The following SLC44A3 variants were observed in gnomAD, a reference collection of about 807,000 sequenced individuals.
SLC44A3 encodes the protein solute carrier family 44 member 3.
In SLC44A3, 74 loss-of-function variants were observed where a neutral mutation model predicts 75.4. That is an observed-to-expected ratio of 0.98 (90% CI 0.81 to 1.19). SLC44A3 has a LOEUF of 1.19. SLC44A3 is among the 50% of genes most tolerant of loss of function. SLC44A3 has a pLI of 0.00. For synonymous variants in SLC44A3, 310 were observed against 296.9 expected, an observed-to-expected ratio of 1.04 and a Z score of -0.45; for missense variants, 700 against 778.6, an observed-to-expected ratio of 0.90 and a Z score of 1.20.
At chr1:94,823,908 AATG>A (rs1159488495) in intron 2 of SLC44A3, among the ~76,000 whole-genome samples, 4 of 152,188 alleles carry the variant, frequency 2.6e-5, no homozygotes, top group Non-Finnish European at 5.9e-5. Context: ...AGTGGATAAA[AATG>A]ATGATAGATT....
intron 12 of SLC44A3, among the ~76,000 whole-genome samples, chr1:94,882,142 C>G (rs145946158): frequency 3.0e-4 from 45 of 152,324 alleles, no homozygotes; most frequent in Non-Finnish European, 5.7e-4. Context: ...CTAAGTTTAT[C>G]TTCTCTAGGA....
In SLC44A3 at chr1:94,828,549, G is replaced by A. The variant is rs986662069; in HGVS notation, c.472G>A (p.Ala158Thr). The part of the protein sequence containing the change: ...NSFNYTHSPK[A>T]DSLCPRLPVP... ...CTTCAACTATACCCACAGTCCAAAAGCAGACTCACTGTGTCCCAGGCTACC... is the reference window on the plus strand; with the variant it reads ...CTTCAACTATACCCACAGTCCAAAAACAGACTCACTGTGTCCCAGGCTACC... Residue 158 changes from alanine (A) to threonine (T), a missense_variant, in exon 5 of 15, where the codon GCA (alanine) becomes ACA (threonine). Physicochemically the swap from Ala to Thr is moderately conservative, Grantham distance 58. Transcript: ENST00000271227. 6.2e-7 allele frequency: 1 copy of A among 1,613,906 alleles called. No individual in the cohort carries two copies. Among genetic ancestry groups the A allele is most frequent in the East Asian group, 2.2e-5 (1 of 44,868 alleles).
At chr1:94,856,274 A>G (rs115667019) in intron 9 of SLC44A3, among the ~76,000 whole-genome samples, 42 of 152,298 alleles carry the variant, frequency 2.8e-4, no homozygotes, top group African/African-American at 1.0e-3. Flanking sequence ...TGCTCAAAAT[A>G]CCACCAGGAA....
chr1:94,820,669 G>A (rs1660433926), intron 1 of SLC44A3, 191 bp downstream of exon 1: 1 of 1,382,612 alleles, frequency 7.2e-7, no homozygotes, highest in South Asian at 1.7e-5. Context: ...GCGGAGGCGG[G>A]GGAGACGCGG....
intron 5 of SLC44A3, among the ~76,000 whole-genome samples, chr1:94,836,444 A>G (rs144905117): frequency 1.5e-3 from 230 of 152,382 alleles, no homozygotes; most frequent in Admixed American, 2.3e-3. Context: ...CCCACTGTTC[A>G]TAGCAAGGCT....
At chr1:94,834,695 G>A (rs763140984) in intron 5 of SLC44A3, among the ~76,000 whole-genome samples, 5 of 152,182 alleles carry the variant, frequency 3.3e-5, no homozygotes, top group Admixed American at 6.5e-5. Flanking sequence ...ACGTTGGCCA[G>A]GCTGGTCTCA....
rs772845293 is a variant in SLC44A3 at position 94,894,824 on chromosome 1, G to A, written c.1864G>A (p.Val622Ile). The change falls in exon 15 of 15, where the codon GTA becomes ATA. Residue 622 changes from valine (V) to isoleucine (I), a missense_variant. Coordinates refer to ENST00000271227, the MANE Select transcript of SLC44A3 (RefSeq NM_001114106.3). ...YFMDQEFLSF[V>I]KRSNKLNNAR... ...TTGTTCTTTTGTTTTTCAGAGTTTC[G>A]TAAAAAGGAGCAACAAATTAAACAA... The A allele has an allele frequency of 2.8e-5, 45 of 1,609,236 alleles. No homozygotes were observed. Among genetic ancestry groups the A allele is most frequent in the South Asian group, 7.8e-5 (7 of 90,250 alleles).
At chr1:94,849,157 G>A (rs1362322836) in intron 9 of SLC44A3, among the ~76,000 whole-genome samples, 1 of 152,118 alleles carries the variant, frequency 6.6e-6, no homozygotes, top group African/African-American at 2.4e-5. Flanking sequence ...GCTGAAGGTA[G>A]CGTGTCATTC....
At chr1:94,858,525 A>C (rs908333830) in intron 10 of SLC44A3, among the ~76,000 whole-genome samples, 3 of 152,178 alleles carry the variant, frequency 2.0e-5, no homozygotes, top group Non-Finnish European at 2.9e-5. Context: ...GGGCTCAGAA[A>C]GAGAAGTTTA....
intron 12 of SLC44A3, among the ~76,000 whole-genome samples, chr1:94,885,308 G>A (rs1247152286): frequency 6.7e-6 from 1 of 149,682 alleles, no homozygotes; most frequent in African/African-American, 2.5e-5. Flanking sequence ...AAACAGATGA[G>A]ATCTAATGAG....
chr1:94,890,861 A>G (rs754281783), intron 12 of SLC44A3, among the ~76,000 whole-genome samples: 4 of 151,968 alleles, frequency 2.6e-5, no homozygotes, highest in Non-Finnish European at 5.9e-5. Context: ...AGCAAATAAA[A>G]CCCTTATGCT....
At position 94,820,437 on chromosome 1, in the gene SLC44A3, G is replaced by A; in HGVS notation, c.-15G>A. On this transcript the variant is annotated 5_prime_UTR_variant, in exon 1 of 15. Coordinates refer to ENST00000271227, the MANE Select transcript of SLC44A3 (RefSeq NM_001114106.3). ...CGGCGGCTCCCAGTCACCGGCCCCCGCCGGCGAGCGCACGATGCACTGCCT... is the reference window on the plus strand; with the variant it reads ...CGGCGGCTCCCAGTCACCGGCCCCCACCGGCGAGCGCACGATGCACTGCCT... 2 of 1,449,678 alleles carry A rather than the reference G, an allele frequency of 1.4e-6. No individual in the cohort carries two copies. Among genetic ancestry groups the A allele is most frequent in the Non-Finnish European group, 1.8e-6 (2 of 1,103,540 alleles). 89.8% of individuals were successfully genotyped at this position (1,449,678 alleles called of 1,614,324 possible).
intron 5 of SLC44A3, among the ~76,000 whole-genome samples, chr1:94,831,996 G>A (rs535948429): frequency 1.2e-4 from 18 of 152,162 alleles, no homozygotes; most frequent in African/African-American, 3.1e-4. Context: ...GTGAAAGCCC[G>A]TCTCTACTAA....
intron 9 of SLC44A3, among the ~76,000 whole-genome samples, chr1:94,846,146 CA>C (rs66647106): frequency 0.15 from 18,257 of 120,072 alleles, 1,177 homozygotes; most frequent in African/African-American, 0.21. Flanking sequence ...GACTCTGTCT[CA>C]AAAAAAAAAA....
At chr1:94,858,937 G>T (rs1051696385) in intron 10 of SLC44A3, among the ~76,000 whole-genome samples, 3 of 152,044 alleles carry the variant, frequency 2.0e-5, no homozygotes, top group Admixed American at 6.6e-5. Context: ...TGATCCACCC[G>T]CCTAGTCCTC....
rs753877700 is a variant in SLC44A3 at position 94,824,652 on chromosome 1, G to T, written c.278+17G>T. The T allele has an allele frequency of 3.9e-6, 6 of 1,553,222 alleles. No homozygotes were observed. The African/African-American group carries it at 5.5e-5, about 14-fold the overall frequency. On this transcript the variant is annotated intron_variant, in intron 3 of 14. Transcript: ENST00000271227. ...CCTAAAAAAGTAAGTATCTAAATAAGTCCCCAGTCTGTAAGGAACTGTACC... is the reference window on the plus strand; with the variant it reads ...CCTAAAAAAGTAAGTATCTAAATAATTCCCCAGTCTGTAAGGAACTGTACC...
intron 12 of SLC44A3, among the ~76,000 whole-genome samples, chr1:94,889,698 G>T (rs1669992127): frequency 6.6e-6 from 1 of 152,078 alleles, no homozygotes; most frequent in Non-Finnish European, 1.5e-5. Context: ...CTACACACAT[G>T]CACGTACACA....
rs374882387 is a variant in SLC44A3 at position 94,867,909 on chromosome 1, T to C, written c.1482+492T>C. Among the ~76,000 whole-genome samples the C allele has an allele frequency of 1.1e-4, 16 of 152,294 alleles. No individual in the cohort carries two copies. The East Asian group carries it at 2.9e-3, about 28-fold the overall frequency. On this transcript the variant is annotated intron_variant, in intron 12 of 14. Transcript: ENST00000271227. ...TCAGAAATAAAGAGGGAAGGGAGTA[T>C]TTAGAAACCCTAAGCATAATGAATA...
At chr1:94,839,667 G>A (rs1663319814) in intron 6 of SLC44A3, among the ~76,000 whole-genome samples, 1 of 152,146 alleles carries the variant, frequency 6.6e-6, no homozygotes, top group South Asian at 2.1e-4. Context: ...GGGATTATAG[G>A]TGTGAGGCAC....
Sources: gnomAD v4.1 joint callset for allele counts (sites outside exome capture counted in the v4.1 genomes callset) on GRCh38, gnomAD v4.1.1 for gene constraint, MANE v1.5 for transcripts, NCBI Gene and HGNC (gene_info 2026-07-23, HGNC 2026-07-21) for gene names.